Variants in MAP3K8 observed in about 807,000 individuals in gnomAD.
MAP3K8 encodes mitogen-activated protein kinase kinase kinase 8.
In MAP3K8, 22 loss-of-function variants were observed where a neutral mutation model predicts 45.8. The observed-to-expected ratio is 0.48, with a 90% confidence interval of 0.34 to 0.69. The LOEUF is 0.69. Ranked by LOEUF, MAP3K8 falls within the 30% of genes least tolerant of loss-of-function variation. The pLI is 0.01. For synonymous variants in MAP3K8, 223 were observed against 214.3 expected, an observed-to-expected ratio of 1.04 and a Z score of -0.36; for missense variants, 419 against 585.0, an observed-to-expected ratio of 0.72 and a Z score of 2.93.
chr10:30,445,270 G>A (rs1361500975), intron 3 of MAP3K8, among the ~76,000 whole-genome samples: 1 of 152,092 alleles, frequency 6.6e-6, no homozygotes, highest in Non-Finnish European at 1.5e-5. Flanking sequence ...GGTAGCACGT[G>A]CCTGTAATCC....
rs8177034 is a variant in MAP3K8, at chr10:30,460,776, C to A, written c.1344C>A (p.Leu448=). ...GGCAACGCTCTCTCTACATCGACCT[C>A]GGCGCTCTGGCTGGCTACTTCAATC... ...LKRQRSLYID[L]GALAGYFNLV... The change falls in exon 9 of 9, where the codon CTC becomes CTA. Residue 448 remains leucine, a synonymous_variant. Transcript: ENST00000263056. The A allele has an allele frequency of 6.2e-7, 1 of 1,613,994 alleles. No homozygotes were observed. Among genetic ancestry groups the A allele is most frequent in the East Asian group, 2.2e-5 (1 of 44,886 alleles).
At chr10:30,440,351 G>A (rs1015338619) in intron 3 of MAP3K8, among the ~76,000 whole-genome samples, 5 of 152,196 alleles carry the variant, frequency 3.3e-5, no homozygotes, top group African/African-American at 1.2e-4. Flanking sequence ...ATGGCAAAAT[G>A]GCTAATGTTG....
intron 6 of MAP3K8, among the ~76,000 whole-genome samples, chr10:30,453,896 AAGGG>A (rs1588788750): frequency 8.4e-6 from 1 of 118,694 alleles, no homozygotes; most frequent in East Asian, 2.2e-4. Context: ...AAAAAGAAGG[AAGGG>A]AGGGAGGGAG....
At chr10:30,456,458 G>A (rs1382803156) in intron 6 of MAP3K8, among the ~76,000 whole-genome samples, 1 of 152,062 alleles carries the variant, frequency 6.6e-6, no homozygotes, top group Non-Finnish European at 1.5e-5. Flanking sequence ...GCAGGGTTAG[G>A]GTGGGGAGAC....
rs117577468 is a variant in MAP3K8, at chr10:30,437,732, G to A, written c.-24+326G>A. 5.4e-4 allele frequency among the ~76,000 whole-genome samples: 83 copies of A among 152,316 alleles called. 5 individuals are homozygous for A. In the East Asian group the frequency reaches 0.014, roughly 26 times the overall value. Reference sequence around the variant, plus strand: ...TGGCTCTGCAGTGGAGCATTTCCTGGAGCTTTGAAATGAAGCTCCAGATTG... The same window carrying A: ...TGGCTCTGCAGTGGAGCATTTCCTGAAGCTTTGAAATGAAGCTCCAGATTG... On this transcript the variant is annotated intron_variant, in intron 2 of 8. Coordinates refer to ENST00000263056, the MANE Select transcript of MAP3K8 (RefSeq NM_005204.4).
At chr10:30,441,995 G>A (rs1296764358) in intron 3 of MAP3K8, among the ~76,000 whole-genome samples, 1 of 152,192 alleles carries the variant, frequency 6.6e-6, no homozygotes, top group Non-Finnish European at 1.5e-5. Flanking sequence ...CAGCTGATTG[G>A]TTCCTAGGTA....
At chr10:30,451,993 T>G (rs899092528) in intron 6 of MAP3K8, among the ~76,000 whole-genome samples, 4 of 152,116 alleles carry the variant, frequency 2.6e-5, no homozygotes, top group African/African-American at 9.7e-5. Flanking sequence ...ATAATATACA[T>G]GTTGATATAT....
At chr10:30,456,615 C>G (rs1204690389) in intron 6 of MAP3K8, among the ~76,000 whole-genome samples, 1 of 152,170 alleles carries the variant, frequency 6.6e-6, no homozygotes, top group Non-Finnish European at 1.5e-5. Context: ...AGGATATTAA[C>G]TACTATATGT....
chr10:30,436,692 C>T (rs1187519451), intron 1 of MAP3K8, among the ~76,000 whole-genome samples: 1 of 143,352 alleles, frequency 7.0e-6, no homozygotes, highest in Non-Finnish European at 1.5e-5. Flanking sequence ...AATACCACTA[C>T]TACTATAAAA....
At chr10:30,435,561 ATTT>A (rs1042744061) in intron 1 of MAP3K8, among the ~76,000 whole-genome samples, 1 of 135,020 alleles carries the variant, frequency 7.4e-6, no homozygotes, top group Non-Finnish European at 1.5e-5. Flanking sequence ...TAATTTTTAA[ATTT>A]TTTTTGAGAG....
chr10:30,435,858 A>G (rs1014163603), intron 1 of MAP3K8, among the ~76,000 whole-genome samples: 9 of 152,256 alleles, frequency 5.9e-5, no homozygotes, highest in African/African-American at 2.2e-4. Flanking sequence ...AAAATATTTT[A>G]AATGAGAAAT....
intron 3 of MAP3K8, among the ~76,000 whole-genome samples, chr10:30,441,187 C>T (rs932246185): frequency 3.3e-5 from 5 of 149,934 alleles, no homozygotes; most frequent in African/African-American, 1.0e-4. Context: ...GACAGAGTCT[C>T]GCTCTGTCAC....
chr10:30,448,260 G>A (rs900832210), intron 4 of MAP3K8, among the ~76,000 whole-genome samples: 2 of 152,122 alleles, frequency 1.3e-5, no homozygotes, highest in African/African-American at 4.8e-5. Context: ...ATCCTGCAAA[G>A]TAGGAGCAAT....
intron 7 of MAP3K8, among the ~76,000 whole-genome samples, chr10:30,458,953 T>A (rs1478173388): frequency 6.6e-6 from 1 of 152,154 alleles, no homozygotes; most frequent in Non-Finnish European, 1.5e-5. Flanking sequence ...GTGTATGCCC[T>A]GTGGTCCCAG....
intron 3 of MAP3K8, among the ~76,000 whole-genome samples, chr10:30,443,100 A>C (rs1836170521): frequency 6.6e-6 from 1 of 152,138 alleles, no homozygotes; most frequent in Non-Finnish European, 1.5e-5. Flanking sequence ...CTTATTGGCC[A>C]TTAAAAAAAG....
At chr10:30,457,252 A>G (rs975088120) in intron 6 of MAP3K8, among the ~76,000 whole-genome samples, 2 of 152,224 alleles carry the variant, frequency 1.3e-5, no homozygotes, top group African/African-American at 2.4e-5. Flanking sequence ...AACTTATACA[A>G]TGTTAATATG....
intron 4 of MAP3K8, 108 bp downstream of exon 4, chr10:30,448,057 A>C (rs1046463908): frequency 4.0e-6 from 4 of 989,426 alleles, no homozygotes; most frequent in Non-Finnish European, 6.0e-6. Flanking sequence ...ATTGGGTCTT[A>C]TCTGAGGGTG....
At chr10:30,446,671 T>A (rs753575969) in intron 3 of MAP3K8, among the ~76,000 whole-genome samples, 87 of 152,174 alleles carry the variant, frequency 5.7e-4, no homozygotes, top group Non-Finnish European at 1.9e-4. Flanking sequence ...TCTGGACATG[T>A]TACAGGCACG....
intron 6 of MAP3K8, among the ~76,000 whole-genome samples, chr10:30,453,164 G>A (rs1321314307): frequency 6.6e-6 from 1 of 152,158 alleles, no homozygotes; most frequent in Admixed American, 6.5e-5. Context: ...CTCAGTGACA[G>A]ACCCTGGACT....
Sources: allele counts gnomAD v4.1 joint callset (sites outside exome capture counted in the v4.1 genomes callset), GRCh38; gene constraint gnomAD v4.1.1; transcripts MANE v1.5; gene names NCBI Gene and HGNC (gene_info 2026-07-23, HGNC 2026-07-21).